The following CA10 variants were observed in gnomAD, a reference collection of about 807,000 sequenced individuals.
CA10 encodes carbonic anhydrase-related protein 10.
CA10 carries 14 observed loss-of-function variants against 44.2 expected under a neutral mutation model. The ratio of observed to expected loss-of-function variants is 0.32; its 90% CI spans 0.21 to 0.50. CA10 has a LOEUF of 0.50. CA10 is among the 20% of genes least tolerant of loss of function. The pLI is 0.99. For synonymous variants in CA10, 159 were observed against 141.6 expected, an observed-to-expected ratio of 1.12 and a Z score of -0.87; for missense variants, 350 against 409.7, an observed-to-expected ratio of 0.85 and a Z score of 1.26.
At chr17:52,101,444 A>G (rs1472252023) in intron 1 of CA10, among the ~76,000 whole-genome samples, 2 of 152,210 alleles carry the variant, frequency 1.3e-5, no homozygotes, top group African/African-American at 4.8e-5. Context: ...ATTCTCTGTT[A>G]AGTGGCAGGT....
rs144625436 is a variant in CA10 at position 52,157,875 on chromosome 17, A to G, written c.-89T>C. 5.9e-4 allele frequency: 605 copies of G among 1,022,462 alleles called. No homozygotes were observed. The African/African-American group carries it at 6.2e-3, about 10-fold the overall frequency. 63.3% of individuals were successfully genotyped at this position (1,022,462 alleles called of 1,614,324 possible). On this transcript the variant is annotated 5_prime_UTR_variant, in exon 1 of 9. Transcript: ENST00000451037. The stretch of plus-strand genomic sequence containing the variant: ...ACGGCACACACACATACACACTCGC[A>G]CACACTTCCGAGCGAGTGCACACTC...
intron 2 of CA10, among the ~76,000 whole-genome samples, chr17:51,955,672 T>A (rs916878864): frequency 6.6e-6 from 1 of 152,140 alleles, no homozygotes; most frequent in Non-Finnish European, 1.5e-5. Context: ...AGCCTTCTAC[T>A]CTAAGCTCTG....
At chr17:52,003,408 A>G (rs1985495678) in intron 2 of CA10, among the ~76,000 whole-genome samples, 1 of 151,872 alleles carries the variant, frequency 6.6e-6, no homozygotes, top group Non-Finnish European at 1.5e-5. Context: ...GCCAGATTGC[A>G]TATGTATTTC....
chr17:51,875,490 CCTT>C (rs1280428047), intron 3 of CA10, among the ~76,000 whole-genome samples: 9 of 152,158 alleles, frequency 5.9e-5, no homozygotes, highest in African/African-American at 1.9e-4. Flanking sequence ...AGCTCACAGT[CCTT>C]CTTCATGTGG....
At chr17:52,045,336 G>A (rs980788265) in intron 2 of CA10, among the ~76,000 whole-genome samples, 1 of 151,348 alleles carries the variant, frequency 6.6e-6, no homozygotes, top group African/African-American at 2.4e-5. Context: ...AAATCGTATA[G>A]AAAATGATAG....
At chr17:51,905,104 T>C (rs1331589816) in intron 3 of CA10, among the ~76,000 whole-genome samples, 1 of 152,176 alleles carries the variant, frequency 6.6e-6, no homozygotes, top group African/African-American at 2.4e-5. Context: ...TTCTCTATAT[T>C]CTCTTCATGA....
intron 5 of CA10, among the ~76,000 whole-genome samples, chr17:51,649,720 G>T (rs1026870720): frequency 6.6e-6 from 1 of 152,216 alleles, no homozygotes; most frequent in African/African-American, 2.4e-5. Flanking sequence ...GGAGCTGAGG[G>T]TATGGGGAAG....
At chr17:51,764,745 T>C (rs1405383340) in intron 3 of CA10, among the ~76,000 whole-genome samples, 1 of 152,224 alleles carries the variant, frequency 6.6e-6, no homozygotes, top group East Asian at 1.9e-4. Context: ...CTTGCCAGCC[T>C]GCCCACTAGG....
chr17:52,104,048 T>C (rs1294928705), intron 1 of CA10, among the ~76,000 whole-genome samples: 1 of 152,192 alleles, frequency 6.6e-6, no homozygotes, highest in Non-Finnish European at 1.5e-5. Flanking sequence ...ATGAGGATAA[T>C]TAAAAAATTA....
intron 4 of CA10, among the ~76,000 whole-genome samples, chr17:51,663,006 C>T (rs1914062179): frequency 6.6e-6 from 1 of 152,106 alleles, no homozygotes; most frequent in African/African-American, 2.4e-5. Context: ...CCTCTTCTGT[C>T]CAAGTAATGT....
chr17:51,899,142 A>G (rs374792041), intron 3 of CA10, among the ~76,000 whole-genome samples: 1 of 151,562 alleles, frequency 6.6e-6, no homozygotes, highest in East Asian at 1.9e-4. Context: ...TTAGGTTGTT[A>G]ATTTGAGACC....
intron 6 of CA10, among the ~76,000 whole-genome samples, chr17:51,636,254 T>C (rs546997599): frequency 2.0e-5 from 3 of 152,320 alleles, no homozygotes; most frequent in East Asian, 3.9e-4. Context: ...CTCACACACA[T>C]GATCATTCCA....
Position 51,637,836 on chromosome 17 carries a change from C to T in CA10, c.635-1827G>A, listed in dbSNP as rs1019065417. On this transcript the variant is annotated intron_variant, in intron 6 of 8. Coordinates refer to ENST00000451037, the MANE Select transcript of CA10 (RefSeq NM_020178.5). Reference sequence around the variant, plus strand: ...AGACCAAGGTCATTTTTTCATTCAACGATTATTCACTAGAACCTCTTTGTG... The same window carrying T: ...AGACCAAGGTCATTTTTTCATTCAATGATTATTCACTAGAACCTCTTTGTG... 3.4e-4 allele frequency among the ~76,000 whole-genome samples: 52 copies of T among 152,322 alleles called. 1 individual carries two copies. The highest frequency in any genetic ancestry group is 8.3e-4 in the South Asian group (4 of 4,826).
At chr17:52,007,647 T>C (rs905735433) in intron 2 of CA10, among the ~76,000 whole-genome samples, 1 of 151,614 alleles carries the variant, frequency 6.6e-6, no homozygotes, top group Non-Finnish European at 1.5e-5. Flanking sequence ...GCTGATGTTT[T>C]ATTTACAATT....
At chr17:51,944,409 T>C (rs547043159) in intron 2 of CA10, among the ~76,000 whole-genome samples, 1 of 152,228 alleles carries the variant, frequency 6.6e-6, no homozygotes, top group East Asian at 1.9e-4. Flanking sequence ...CCTCACCTTA[T>C]GGGAAGAGAG....
At chr17:52,142,165 T>A (rs145619761) in intron 1 of CA10, among the ~76,000 whole-genome samples, 7 of 152,314 alleles carry the variant, frequency 4.6e-5, no homozygotes, top group African/African-American at 1.7e-4. Context: ...CACAGAATCC[T>A]GAGTTGGAAA....
At chr17:51,819,421 A>T (rs1294494076) in intron 3 of CA10, among the ~76,000 whole-genome samples, 5 of 152,110 alleles carry the variant, frequency 3.3e-5, no homozygotes, top group Non-Finnish European at 7.4e-5. Context: ...AGATGTCTTG[A>T]AGCATTAAGC....
At chr17:52,013,928 C>T (rs901700750) in intron 2 of CA10, among the ~76,000 whole-genome samples, 3 of 151,710 alleles carry the variant, frequency 2.0e-5, no homozygotes, top group Non-Finnish European at 2.9e-5. Context: ...TCTGTTAATT[C>T]GTGTAAGCAT....
chr17:51,912,464 G>C (rs1033498778), intron 3 of CA10, among the ~76,000 whole-genome samples: 3 of 152,070 alleles, frequency 2.0e-5, no homozygotes, highest in African/African-American at 7.2e-5. Flanking sequence ...ATATGGTGCA[G>C]TCACTACCAA....
Sources: allele counts gnomAD v4.1 joint callset (sites outside exome capture counted in the v4.1 genomes callset), GRCh38; gene constraint gnomAD v4.1.1; transcripts MANE v1.5; gene names NCBI Gene and HGNC (gene_info 2026-07-23, HGNC 2026-07-21).